The following BMPR2 variants were observed in gnomAD, a reference collection of about 807,000 sequenced individuals.
BMPR2 encodes the protein bone morphogenetic protein receptor type 2.
BMPR2 carries 29 observed loss-of-function variants against 100.8 expected under a neutral mutation model. The ratio of observed to expected loss-of-function variants is 0.29; its 90% CI spans 0.21 to 0.39. The LOEUF (loss-of-function observed/expected upper bound fraction) is 0.39. Ranked by LOEUF, BMPR2 falls within the 10% of genes least tolerant of loss-of-function variation. The probability of loss-of-function intolerance (pLI) is 1.00; values close to 1 mark genes in which losing one functional copy is unlikely to be tolerated. For synonymous variants in BMPR2, 382 were observed against 442.3 expected (o/e 0.86, Z 1.71); for missense variants, 1,011 against 1,274.5 (o/e 0.79, Z 3.15).
At chr2:202,402,371 A>C (rs1690782777) in intron 1 of BMPR2, among the ~76,000 whole-genome samples, 1 of 151,824 alleles carries the variant, frequency 6.6e-6, no homozygotes, top group Non-Finnish European at 1.5e-5. Context: ...ATAAAAAGTT[A>C]GCCGGGTGTG....
chr2:202,539,679 A>T (rs1013456516), intron 9 of BMPR2, among the ~76,000 whole-genome samples: 1 of 152,076 alleles, frequency 6.6e-6, no homozygotes, highest in African/African-American at 2.4e-5. Context: ...AATGCTACAA[A>T]GTTTAAATAG....
intron 1 of BMPR2, among the ~76,000 whole-genome samples, chr2:202,405,460 G>A (rs1474295712): frequency 1.3e-5 from 2 of 151,960 alleles, no homozygotes; most frequent in East Asian, 1.9e-4. Context: ...GGGCTGAGGC[G>A]GGCGGATCAC....
At chr2:202,548,446 T>C (rs1280274272) in intron 10 of BMPR2, among the ~76,000 whole-genome samples, 1 of 151,878 alleles carries the variant, frequency 6.6e-6, no homozygotes, top group Non-Finnish European at 1.5e-5. Context: ...CTGGGCAACA[T>C]AGTGAGACCC....
intron 1 of BMPR2, among the ~76,000 whole-genome samples, chr2:202,448,927 G>GTC (rs1169881605): frequency 1.6e-5 from 1 of 63,772 alleles, no homozygotes; most frequent in East Asian, 2.8e-4. Flanking sequence ...TAGAATTGGT[G>GTC]TGTGTGTGTG....
intron 3 of BMPR2, among the ~76,000 whole-genome samples, chr2:202,492,886 T>C (rs1194268439): frequency 6.6e-6 from 1 of 152,148 alleles, no homozygotes; most frequent in African/African-American, 2.4e-5. Context: ...AAGGTTACTA[T>C]GATAATTAAA....
chr2:202,558,452 T>G (rs1184244862), intron 12 of BMPR2, among the ~76,000 whole-genome samples: 1 of 152,126 alleles, frequency 6.6e-6, no homozygotes, highest in Non-Finnish European at 1.5e-5. Flanking sequence ...AAAAAAGTTA[T>G]GTTTTATTGT....
Position 202,556,476 on chromosome 2 carries a change from G to A in BMPR2, c.2811G>A (p.Arg937=), listed in dbSNP as rs1061157. The change falls in exon 12 of 13, where the codon AGG becomes AGA. Residue 937 remains arginine, a synonymous_variant. Transcript: ENST00000374580. The part of the protein sequence containing the change: ...PGPSKPRRAQ[R]PNSLDLSATN... ...CATCAAAGCCCAGAAGAGCACAGAGGCCTAATTCTCTGGATCTTTCAGCCA... is the reference window on the plus strand; with the variant it reads ...CATCAAAGCCCAGAAGAGCACAGAGACCTAATTCTCTGGATCTTTCAGCCA... 189,891 of 1,613,998 alleles carry A rather than the reference G, an allele frequency of 0.12. 12,623 individuals carry two copies. Among genetic ancestry groups the A allele is most frequent in the South Asian group, 0.23 (21,366 of 91,074 alleles).
rs1345583314 is a variant in BMPR2, at chr2:202,535,061, A to ACCCCCCCACCTCCCTCCCGGATG, written c.1276+2329_1276+2330insCCCCCCCACCTCCCTCCCGGATG. ...TGACCCCCCCACCTCCCTCCCGGAC[A>ACCCCCCCACCTCCCTCCCGGATG]GGTCGGCTGGCCTGGCTGGGGGCTG... On this transcript the variant is annotated intron_variant, in intron 9 of 12. Transcript: ENST00000374580. Among the ~76,000 whole-genome samples the ACCCCCCCACCTCCCTCCCGGATG allele has an allele frequency of 2.0e-3, 104 of 53,092 alleles. 19 individuals are homozygous for ACCCCCCCACCTCCCTCCCGGATG. The highest frequency in any genetic ancestry group is 3.8e-3 in the Admixed American group (23 of 6,022). 34.8% of individuals were successfully genotyped at this position (53,092 alleles called of 152,430 possible). A position where few individuals can be genotyped will look rare whatever the true frequency, so the allele number is the denominator to read the frequency against.
chr2:202,424,339 A>T (rs1574441210), intron 1 of BMPR2, among the ~76,000 whole-genome samples: 1 of 151,540 alleles, frequency 6.6e-6, no homozygotes, highest in South Asian at 2.1e-4. Flanking sequence ...GTGCCACTGC[A>T]CTTCAGCCTG....
intron 3 of BMPR2, among the ~76,000 whole-genome samples, chr2:202,504,425 C>T (rs1210979462): frequency 1.3e-5 from 2 of 151,938 alleles, no homozygotes; most frequent in Admixed American, 6.6e-5. Flanking sequence ...ACACTCACCG[C>T]GAAGGTCTGC....
intron 2 of BMPR2, among the ~76,000 whole-genome samples, chr2:202,465,804 G>T (rs1692308756): frequency 6.6e-6 from 1 of 151,870 alleles, no homozygotes; most frequent in Non-Finnish European, 1.5e-5. Flanking sequence ...AGTGAGCCGA[G>T]ATCGCACCAC....
chr2:202,497,496 C>T (rs537616842), intron 3 of BMPR2, among the ~76,000 whole-genome samples: 274 of 152,222 alleles, frequency 1.8e-3, no homozygotes, highest in Non-Finnish European at 1.9e-3. Flanking sequence ...CCCGACTCTT[C>T]GGAGTTGGGA....
chr2:202,476,883 A>T (rs1372216818), intron 3 of BMPR2, among the ~76,000 whole-genome samples: 2 of 152,086 alleles, frequency 1.3e-5, no homozygotes, highest in Non-Finnish European at 2.9e-5. Flanking sequence ...CACTTCTCAA[A>T]ATGTCTCATT....
intron 1 of BMPR2, among the ~76,000 whole-genome samples, chr2:202,447,761 T>G (rs1205889555): frequency 6.6e-6 from 1 of 150,754 alleles, no homozygotes; most frequent in Non-Finnish European, 1.5e-5. Flanking sequence ...TTATACATAT[T>G]TGTATTTTTT....
chr2:202,394,946 C>T (rs1052725391), intron 1 of BMPR2, among the ~76,000 whole-genome samples: 9 of 151,068 alleles, frequency 6.0e-5, no homozygotes, highest in Non-Finnish European at 1.3e-4. Flanking sequence ...AGTGCAGTGG[C>T]GCAATCTCGG....
intron 1 of BMPR2, among the ~76,000 whole-genome samples, chr2:202,417,256 C>A (rs1691151413): frequency 6.6e-6 from 1 of 152,216 alleles, no homozygotes; most frequent in Admixed American, 6.5e-5. Flanking sequence ...CCTGCCTCAG[C>A]CTCCTGAGTA....
At chr2:202,501,710 G>A (rs576131254) in intron 3 of BMPR2, among the ~76,000 whole-genome samples, 11 of 152,298 alleles carry the variant, frequency 7.2e-5, no homozygotes, top group Admixed American at 6.5e-4. Context: ...TGGCATACTA[G>A]GTGCCAAAGG....
intron 3 of BMPR2, among the ~76,000 whole-genome samples, chr2:202,487,066 TAAAA>T (rs141083001): frequency 3.3e-5 from 5 of 152,116 alleles, no homozygotes; most frequent in African/African-American, 1.2e-4. Context: ...TTTTTATTAA[TAAAA>T]AAATGCCTGC....
At position 202,464,806 on chromosome 2, in the gene BMPR2, T is replaced by C. The variant is rs1692286036; in HGVS notation, c.77-3T>C. ...TGTCATTCCTTTATTTCCTTTATTT[T>C]AGCTTCGCAGAATCAAGAACGGCTA... is the stretch of plus-strand genomic sequence containing the variant. On this transcript the variant is annotated splice_region_variant and splice_polypyrimidine_tract_variant and intron_variant, in intron 1 of 12. Coordinates refer to ENST00000374580, the MANE Select transcript of BMPR2 (RefSeq NM_001204.7). 1.2e-6 allele frequency: 2 copies of C among 1,609,288 alleles called. No individual in the cohort carries two copies. The highest frequency in any genetic ancestry group is 1.7e-6 in the Non-Finnish European group (2 of 1,178,190).
Sources: gnomAD v4.1 joint callset for allele counts (sites outside exome capture counted in the v4.1 genomes callset) on GRCh38, gnomAD v4.1.1 for gene constraint, MANE v1.5 for transcripts, NCBI Gene and HGNC (gene_info 2026-07-23, HGNC 2026-07-21) for gene names.